Variants in CSMD3 observed in about 807,000 individuals in gnomAD.
CSMD3 encodes the protein CUB and sushi domain-containing protein 3.
A neutral mutation model predicts 435.2 loss-of-function variants in CSMD3; 177 were observed. The ratio of observed to expected loss-of-function variants is 0.41; its 90% CI spans 0.36 to 0.46. The LOEUF (loss-of-function observed/expected upper bound fraction) is 0.46, where lower values mean the gene tolerates loss of function less well. Among genes scored for constraint, CSMD3 ranks in the 20% least tolerant of loss-of-function variants. CSMD3 has a pLI of 0.34. For synonymous variants in CSMD3, 1,656 were observed against 1,520.5 expected, an observed-to-expected ratio of 1.09 and a Z score of -2.07; for missense variants, 4,265 against 4,504.6, an observed-to-expected ratio of 0.95 and a Z score of 1.52.
chr8:113,365,072 A>C (rs1163749129), intron 1 of CSMD3, among the ~76,000 whole-genome samples: 1 of 152,092 alleles, frequency 6.6e-6, no homozygotes, highest in Non-Finnish European at 1.5e-5. Flanking sequence ...TTTATGTGAA[A>C]TGTTGAACTA....
chr8:112,226,906 C>T (rs900952034), intron 70 of CSMD3, among the ~76,000 whole-genome samples: 2 of 152,096 alleles, frequency 1.3e-5, no homozygotes, highest in Admixed American at 1.3e-4. Flanking sequence ...CAAAGCCCCC[C>T]AAACCTGGAA....
chr8:112,433,664 A>AAAG (rs1389642195), intron 32 of CSMD3, among the ~76,000 whole-genome samples: 5 of 150,572 alleles, frequency 3.3e-5, no homozygotes, highest in South Asian at 2.1e-4. Flanking sequence ...CAAAAAAAAA[A>AAAG]AAAAAAAAGA....
intron 1 of CSMD3, among the ~76,000 whole-genome samples, chr8:113,435,455 G>C (rs562569165): frequency 3.4e-4 from 52 of 152,246 alleles, no homozygotes; most frequent in African/African-American, 1.3e-3. Context: ...TGCCTTCCGT[G>C]GGGGGACAGC....
chr8:112,291,518 T>C lies in CSMD3; in HGVS notation c.8966A>G (p.Glu2989Gly). 1 of 1,601,960 alleles carries C rather than the reference T, an allele frequency of 6.2e-7. No homozygotes were observed. The highest frequency in any genetic ancestry group is 8.5e-7 in the Non-Finnish European group (1 of 1,169,618). ...TCACATTATCTACTTACTGATACAT[T>C]CTGGTAAAGGTTTGTCCCATTGTCC... ...PNGQWDKPLP[E>G]CIMIDCGHPG... Residue 2989 changes from glutamate (E) to glycine (G), a missense_variant, in exon 56 of 71, where the codon GAA (glutamate) becomes GGA (glycine). This residue lies in a region of CSMD3 where 3,255 missense variants were observed against 3,380.2 expected (regional missense o/e 0.96). Coordinates refer to ENST00000297405, the MANE Select transcript of CSMD3 (RefSeq NM_198123.2).
intron 22 of CSMD3, among the ~76,000 whole-genome samples, chr8:112,621,292 T>A (rs894315824): frequency 1.3e-5 from 2 of 152,066 alleles, no homozygotes; most frequent in East Asian, 1.9e-4. Context: ...AAAATATCAA[T>A]AATTGTTAAA....
chr8:112,893,421 T>C (rs1046497660), intron 10 of CSMD3, among the ~76,000 whole-genome samples: 2 of 151,438 alleles, frequency 1.3e-5, no homozygotes, highest in African/African-American at 4.8e-5. Context: ...CCAACAATAA[T>C]GCAATTAAAT....
At chr8:113,227,952 G>C (rs896158929) in intron 3 of CSMD3, among the ~76,000 whole-genome samples, 1 of 151,526 alleles carries the variant, frequency 6.6e-6, no homozygotes, top group African/African-American at 2.4e-5. Flanking sequence ...GATGACTAAA[G>C]ATCAAGCCAC....
rs1274789672 is a variant in CSMD3, at chr8:112,263,817, AATTAC to A, written c.9689-10_9689-6del. On this transcript the variant is annotated splice_region_variant and splice_polypyrimidine_tract_variant and intron_variant, in intron 60 of 70. Coordinates refer to ENST00000297405, the MANE Select transcript of CSMD3 (RefSeq NM_198123.2). ...GAGGAGTTGGGCAGGTAACAGCTGC[AATTAC>A]ATTAAAAGTGATTAGACACAGCTGT... The A allele has an allele frequency of 1.2e-6, 2 of 1,612,366 alleles. No homozygotes were observed. The highest frequency in any genetic ancestry group is 1.7e-6 in the Non-Finnish European group (2 of 1,178,444).
chr8:113,002,654 T>G (rs2085907103), intron 6 of CSMD3, among the ~76,000 whole-genome samples: 1 of 152,162 alleles, frequency 6.6e-6, no homozygotes, highest in Admixed American at 6.6e-5. Context: ...TTTATCAGTT[T>G]TGTCTCAAGG....
At chr8:113,018,845 T>A (rs2086572632) in intron 6 of CSMD3, 2 of 541,808 alleles carry the variant, frequency 3.7e-6, no homozygotes, top group Admixed American at 6.5e-5. Flanking sequence ...CTTTTAGAAA[T>A]CATAATATTC....
chr8:112,671,531 G>A (rs1361241225), intron 16 of CSMD3, among the ~76,000 whole-genome samples: 1 of 152,076 alleles, frequency 6.6e-6, no homozygotes, highest in Non-Finnish European at 1.5e-5. Flanking sequence ...AAGGAGTTGA[G>A]TTCAATTTTT....
chr8:113,073,921 C>A (rs2089236309), intron 5 of CSMD3, among the ~76,000 whole-genome samples: 1 of 151,764 alleles, frequency 6.6e-6, no homozygotes, highest in Non-Finnish European at 1.5e-5. Context: ...GTCTTAAATC[C>A]TTGAAACAGT....
chr8:112,602,502 G>A (rs193064054), intron 22 of CSMD3, among the ~76,000 whole-genome samples: 339 of 150,712 alleles, frequency 2.2e-3, no homozygotes, highest in African/African-American at 7.8e-3. Flanking sequence ...GGAGGCGGAG[G>A]TTGCCGTGAG....
chr8:113,328,615 A>C (rs1203313516), intron 1 of CSMD3, among the ~76,000 whole-genome samples: 1 of 152,020 alleles, frequency 6.6e-6, no homozygotes, highest in Non-Finnish European at 1.5e-5. Flanking sequence ...AAAACAATGA[A>C]AAACAGGTAC....
chr8:112,496,958 T>A (rs1821414195), intron 30 of CSMD3, among the ~76,000 whole-genome samples: 1 of 152,170 alleles, frequency 6.6e-6, no homozygotes, highest in African/African-American at 2.4e-5. Context: ...GAGTATAGTT[T>A]GATTGTTTGT....
At chr8:112,396,169 G>A (rs1333919320) in intron 35 of CSMD3, among the ~76,000 whole-genome samples, 2 of 152,072 alleles carry the variant, frequency 1.3e-5, no homozygotes, top group East Asian at 3.9e-4. Context: ...AGTGTTGACA[G>A]TAATAATAAG....
At chr8:113,112,976 A>G (rs1024577978) in intron 4 of CSMD3, among the ~76,000 whole-genome samples, 23 of 152,208 alleles carry the variant, frequency 1.5e-4, no homozygotes, top group Non-Finnish European at 3.4e-4. Flanking sequence ...TTCCCTTAAA[A>G]GAACACAAAA....
chr8:113,406,704 G>T (rs1490957661), intron 1 of CSMD3, among the ~76,000 whole-genome samples: 1 of 151,908 alleles, frequency 6.6e-6, no homozygotes, highest in African/African-American at 2.4e-5. Flanking sequence ...TCTATGGGGA[G>T]AGGAGAACTC....
At chr8:113,428,806 A>T (rs748288283) in intron 1 of CSMD3, among the ~76,000 whole-genome samples, 2 of 151,852 alleles carry the variant, frequency 1.3e-5, no homozygotes, top group Admixed American at 6.6e-5. Flanking sequence ...TTGCTTTTTT[A>T]GTTATTTGGG....
Sources: gnomAD v4.1 joint callset for allele counts (sites outside exome capture counted in the v4.1 genomes callset) on GRCh38, gnomAD v4.1.1 for gene constraint, gnomAD v4.1.1 regional missense constraint, MANE v1.5 for transcripts, NCBI Gene and HGNC (gene_info 2026-07-23, HGNC 2026-07-21) for gene names.